ATP8B1: variants seen among roughly 807,000 people sequenced by gnomAD.
ATP8B1 encodes phospholipid-transporting ATPase IC.
ATP8B1 carries 80 observed loss-of-function variants against 149.9 expected under a neutral mutation model. The ratio of observed to expected loss-of-function variants is 0.53; its 90% CI spans 0.45 to 0.64. ATP8B1 has a LOEUF of 0.64. ATP8B1 is among the 30% of genes least tolerant of loss of function. ATP8B1 has a pLI of 0.00. For missense variants in ATP8B1, 1,247 were observed against 1,552.6 expected, an observed-to-expected ratio of 0.80 and a Z score of 3.31; for synonymous variants, 536 against 562.8, an observed-to-expected ratio of 0.95 and a Z score of 0.67.
intron 22 of ATP8B1, among the ~76,000 whole-genome samples, chr18:57,658,895 G>C (rs1910201236): frequency 2.6e-5 from 4 of 152,078 alleles, no homozygotes. Flanking sequence ...GTACATAAAG[G>C]CACTAATACT....
At chr18:57,741,163 TC>T (rs1269588331) in intron 1 of ATP8B1, among the ~76,000 whole-genome samples, 2 of 152,078 alleles carry the variant, frequency 1.3e-5, no homozygotes, top group African/African-American at 2.4e-5. Flanking sequence ...GTCTTGAACT[TC>T]TGATCTTGGG....
At chr18:57,667,988 A>C (rs990847460) in intron 19 of ATP8B1, 1 of 1,111,308 alleles carries the variant, frequency 9.0e-7, no homozygotes, top group African/African-American at 1.6e-5. Flanking sequence ...TAAAAAATTA[A>C]AATCGTTCTT....
At chr18:57,756,202 TATATATATAC>T (rs1407364958) in intron 1 of ATP8B1, among the ~76,000 whole-genome samples, 28 of 88,056 alleles carry the variant, frequency 3.2e-4, no homozygotes, top group African/African-American at 1.0e-3. Context: ...CATATATATA[TATATATATAC>T]ACACACACAC....
rs1339127923 is a variant in ATP8B1 at position 57,646,505 on chromosome 18, A to C, written c.*1983T>G. ...AAACAAAATATACATTAAATCTCAGATTTACAGAATATAGAAATAATTTAT... is the reference window on the plus strand; with the variant it reads ...AAACAAAATATACATTAAATCTCAGCTTTACAGAATATAGAAATAATTTAT... On this transcript the variant is annotated 3_prime_UTR_variant, in exon 28 of 28. Transcript: ENST00000648908. 2.6e-5 allele frequency: 4 copies of C among 152,638 alleles called. No individual in the cohort carries two copies. The East Asian group carries it at 7.7e-4, about 29-fold the overall frequency. The allele number at this position is 152,638 out of a possible 1,614,324, so 9.5% of individuals were successfully genotyped here.
chr18:57,691,988 C>G lies in ATP8B1; in HGVS notation c.1039G>C (p.Val347Leu). ...MNYMVYTIFV[V>L]LILLSAGLAI... ...AGACCAGCAGAAAGCAGAATAAGAA[C>G]AACAAAGATCTAGAAGACAGAAAAC... Residue 347 changes from valine (V) to leucine (L), a missense_variant, in exon 12 of 28, where the codon GTT becomes CTT. Val to Leu is a conservative substitution (Grantham distance 32, BLOSUM62 1). Transcript: ENST00000648908. 6.2e-7 allele frequency: 1 copy of G among 1,612,908 alleles called. No individual in the cohort carries two copies. The highest frequency in any genetic ancestry group is 8.5e-7 in the Non-Finnish European group (1 of 1,179,496).
intron 1 of ATP8B1, among the ~76,000 whole-genome samples, chr18:57,763,884 CCTG>C (rs2080180983): frequency 1.3e-5 from 2 of 152,118 alleles, no homozygotes; most frequent in Non-Finnish European, 2.9e-5. Flanking sequence ...GTAGGTAGTT[CCTG>C]CACGGGGCTT....
At chr18:57,801,742 T>C (rs908803529) in intron 1 of ATP8B1, among the ~76,000 whole-genome samples, 14 of 152,184 alleles carry the variant, frequency 9.2e-5, no homozygotes, top group African/African-American at 3.1e-4. Context: ...TAGTTTCCCA[T>C]GGGTAGTGGC....
intron 1 of ATP8B1, among the ~76,000 whole-genome samples, chr18:57,780,723 A>C (rs2080348853): frequency 6.6e-6 from 1 of 152,224 alleles, no homozygotes; most frequent in East Asian, 1.9e-4. Context: ...TGATGGAGGT[A>C]ATATTGTACA....
Position 57,654,695 on chromosome 18 carries a change from CTTTTTT to C in ATP8B1, c.2931+493_2931+498del, listed in dbSNP as rs35541979. Among the ~76,000 whole-genome samples the C allele has an allele frequency of 1.4e-3, 179 of 131,460 alleles. 1 individual carries two copies. The highest frequency in any genetic ancestry group is 2.3e-3 in the Admixed American group (29 of 12,802). 86.2% of individuals were successfully genotyped at this position (131,460 alleles called of 152,430 possible). A position where few individuals can be genotyped will look rare whatever the true frequency, so the allele number is the denominator to read the frequency against. On this transcript the variant is annotated intron_variant, in intron 23 of 27. Coordinates refer to ENST00000648908, the MANE Select transcript of ATP8B1 (RefSeq NM_001374385.1). Reference sequence around the variant, plus strand: ...TAAAAACATACAAGCAAATCCCCTCCTTTTTTTTTTTTTTTTTGAGACAAAGTCTTG... The same window carrying C: ...TAAAAACATACAAGCAAATCCCCTCCTTTTTTTTTTTGAGACAAAGTCTTG...
chr18:57,713,184 T>TTCCTTCC (rs1913780830), intron 2 of ATP8B1, among the ~76,000 whole-genome samples: 159 of 91,032 alleles, frequency 1.7e-3, no homozygotes, highest in East Asian at 6.1e-3. Context: ...TCTTTCTTTC[T>TTCCTTCC]TTCTTTCTTT....
At chr18:57,795,102 C>T (rs1168228914) in intron 1 of ATP8B1, among the ~76,000 whole-genome samples, 1 of 152,176 alleles carries the variant, frequency 6.6e-6, no homozygotes, top group East Asian at 1.9e-4. Context: ...GCATTAGTCA[C>T]AATAGCCAGA....
chr18:57,719,919 T>C (rs113033763), intron 2 of ATP8B1, among the ~76,000 whole-genome samples: 61 of 152,276 alleles, frequency 4.0e-4, no homozygotes, highest in African/African-American at 1.3e-3. Flanking sequence ...AGACTGCCTC[T>C]TCAAGTGGGT....
In ATP8B1 at chr18:57,652,059, G is replaced by A. The variant is rs1909655153; in HGVS notation, c.3375C>T (p.Leu1125=). ...FDFHSAGIHV[L]FPSAFQFTGT... ...CTGTAAATTGAAATGCAGATGGAAA[G>A]AGAACATGTATTCCAGCACTATGAA... The change falls in exon 26 of 28, where the codon CTC becomes CTT. Residue 1125 remains leucine (L), a synonymous_variant. Transcript: ENST00000648908. The A allele has an allele frequency of 1.2e-6, 2 of 1,613,846 alleles. No homozygotes were observed. Among genetic ancestry groups the A allele is most frequent in the African/African-American group, 2.7e-5 (2 of 75,038 alleles).
At chr18:57,667,923 A>C in intron 19 of ATP8B1, 2 of 369,082 alleles carry the variant, frequency 5.4e-6, no homozygotes, top group Non-Finnish European at 8.9e-6. Flanking sequence ...TTTCTTGTGG[A>C]AGGCTTACAA....
Position 57,696,067 on chromosome 18 carries a change from C to T in ATP8B1, c.699-535G>A, listed in dbSNP as rs536733457. Among the ~76,000 whole-genome samples the T allele has an allele frequency of 1.7e-3, 261 of 152,278 alleles. 1 individual carries two copies. Among genetic ancestry groups the T allele is most frequent in the African/African-American group, 5.3e-3 (222 of 41,560 alleles). On this transcript the variant is annotated intron_variant, in intron 8 of 27. Coordinates refer to ENST00000648908, the MANE Select transcript of ATP8B1 (RefSeq NM_001374385.1). ...GTCGTGGGTGGGCACAAGGGCAGGCCGGGGCAGGTGCTCTCAAGGGTGAGG... is the reference window on the plus strand; with the variant it reads ...GTCGTGGGTGGGCACAAGGGCAGGCTGGGGCAGGTGCTCTCAAGGGTGAGG...
At chr18:57,702,593 C>A (rs565016912) in intron 4 of ATP8B1, among the ~76,000 whole-genome samples, 1 of 152,352 alleles carries the variant, frequency 6.6e-6, no homozygotes, top group East Asian at 1.9e-4. Flanking sequence ...CACGGTAGCT[C>A]ATGCTTGTAA....
chr18:57,801,573 T>C (rs1384372596), intron 1 of ATP8B1, among the ~76,000 whole-genome samples: 3 of 152,222 alleles, frequency 2.0e-5, no homozygotes, highest in Non-Finnish European at 2.9e-5. Flanking sequence ...TCACATTTGC[T>C]GTCGTGTCCC....
chr18:57,702,870 AAAAG>A (rs1183248974), intron 4 of ATP8B1, among the ~76,000 whole-genome samples: 5 of 152,154 alleles, frequency 3.3e-5, no homozygotes, highest in African/African-American at 9.6e-5. Context: ...AAAAAAAAAA[AAAAG>A]AGAGAGAGAA....
intron 1 of ATP8B1, among the ~76,000 whole-genome samples, chr18:57,781,847 T>C (rs570678345): frequency 6.6e-6 from 1 of 152,292 alleles, no homozygotes; most frequent in South Asian, 2.1e-4. Context: ...TAGCCAGGCA[T>C]AGTGGCACAC....
Sources: gnomAD v4.1 joint callset for allele counts (sites outside exome capture counted in the v4.1 genomes callset) on GRCh38, gnomAD v4.1.1 for gene constraint, MANE v1.5 for transcripts, NCBI Gene and HGNC (gene_info 2026-07-23, HGNC 2026-07-21) for gene names.